Variants in KIF13B observed in about 807,000 individuals in gnomAD.
The protein encoded by KIF13B is kinesin family member 13B.
A neutral mutation model predicts 222.0 loss-of-function variants in KIF13B; 127 were observed. The ratio of observed to expected loss-of-function variants is 0.57; its 90% CI spans 0.50 to 0.66. The LOEUF (loss-of-function observed/expected upper bound fraction) is 0.66. Among genes scored for constraint, KIF13B ranks in the 30% least tolerant of loss-of-function variants. The pLI, the probability that KIF13B is intolerant of heterozygous loss-of-function variation, is 0.00. For synonymous variants in KIF13B, 976 were observed against 919.0 expected (o/e 1.06, Z -1.12); for missense variants, 2,173 against 2,379.0 (o/e 0.91, Z 1.80).
intron 32 of KIF13B, among the ~76,000 whole-genome samples, chr8:29,112,598 C>A (rs1339262864): frequency 6.6e-6 from 1 of 152,064 alleles, no homozygotes; most frequent in African/African-American, 2.4e-5. Context: ...TGTCTCACAC[C>A]CCCACTTCTC....
chr8:29,072,029 G>C lies in KIF13B; in HGVS notation c.4809C>G (p.Pro1603=). 7.7e-7 allele frequency: 1 copy of C among 1,295,828 alleles called. No individual in the cohort carries two copies. 80.3% of individuals were successfully genotyped at this position (1,295,828 alleles called of 1,614,324 possible). A position where few individuals can be genotyped will look rare whatever the true frequency, so the allele number is the denominator to read the frequency against. Reference sequence around the variant, plus strand: ...GTGGGGGGTGGCTGATGGGCGCCTCGGGCTCGGCCTCAGGGGCGGTGGGCA... The same window carrying C: ...GTGGGGGGTGGCTGATGGGCGCCTCCGGCTCGGCCTCAGGGGCGGTGGGCA... ...GSMPTAPEAE[P]EAPISHPPPP... Residue 1603 remains proline, a synonymous_variant, in exon 39 of 40, where the codon CCC becomes CCG. Coordinates refer to ENST00000524189, the MANE Select transcript of KIF13B (RefSeq NM_015254.4).
intron 35 of KIF13B, among the ~76,000 whole-genome samples, chr8:29,102,250 T>C (rs1273203933): frequency 6.6e-6 from 1 of 151,694 alleles, no homozygotes; most frequent in Non-Finnish European, 1.5e-5. Flanking sequence ...CCTGTTTTAC[T>C]TCTCCTCCAG....
At chr8:29,144,086 G>A (rs1810946494) in intron 18 of KIF13B, among the ~76,000 whole-genome samples, 1 of 150,662 alleles carries the variant, frequency 6.6e-6, no homozygotes, top group Admixed American at 6.6e-5. Context: ...ATATCTACTG[G>A]TTATCTAATC....
At chr8:29,185,284 A>C (rs900269281) in intron 6 of KIF13B, among the ~76,000 whole-genome samples, 2 of 152,148 alleles carry the variant, frequency 1.3e-5, no homozygotes, top group African/African-American at 4.8e-5. Flanking sequence ...TACACTCTGG[A>C]ATCTTCCCTT....
At chr8:29,145,978 T>TA (rs1226537518) in intron 18 of KIF13B, 4 of 328,496 alleles carry the variant, frequency 1.2e-5, no homozygotes, top group Non-Finnish European at 1.7e-5. Context: ...CAGAGCAAGC[T>TA]ATTCCAAGTA....
At chr8:29,223,331 C>CAAAAAAAA (rs369280304) in intron 2 of KIF13B, among the ~76,000 whole-genome samples, 1 of 103,666 alleles carries the variant, frequency 9.6e-6, no homozygotes, top group Non-Finnish European at 1.9e-5. Context: ...GACCCTGTCT[C>CAAAAAAAA]AAAAAAAAAA....
At chr8:29,217,545 A>T (rs1180768007) in intron 2 of KIF13B, among the ~76,000 whole-genome samples, 1 of 152,216 alleles carries the variant, frequency 6.6e-6, no homozygotes, top group African/African-American at 2.4e-5. Context: ...TAGTGTCTTT[A>T]TTATTTATTT....
At chr8:29,115,851 C>T (rs1372792526) in intron 31 of KIF13B, among the ~76,000 whole-genome samples, 1 of 152,148 alleles carries the variant, frequency 6.6e-6, no homozygotes, top group Non-Finnish European at 1.5e-5. Flanking sequence ...TCCTACTATG[C>T]CTGGCCAATG....
chr8:29,263,268 T>G (rs1587005119), upstream of KIF13B: 2 of 535,934 alleles, frequency 3.7e-6, no homozygotes, highest in Non-Finnish European at 6.5e-6. Flanking sequence ...CGGGCGCGAG[T>G]CGTTTGCTAC....
chr8:29,158,035 C>CTTT (rs1811615897), intron 13 of KIF13B, among the ~76,000 whole-genome samples: 1 of 152,148 alleles, frequency 6.6e-6, no homozygotes, highest in Non-Finnish European at 1.5e-5. Flanking sequence ...CACACTGAGC[C>CTTT]TATTTCCATC....
At chr8:29,141,065 C>T (rs972260363) in intron 19 of KIF13B, among the ~76,000 whole-genome samples, 1 of 152,070 alleles carries the variant, frequency 6.6e-6, no homozygotes, top group African/African-American at 2.4e-5. Context: ...AAAAGGTGAG[C>T]CCTCACACCT....
upstream of KIF13B, chr8:29,263,232 G>T (rs1398761561): frequency 1.3e-5 from 7 of 545,644 alleles, no homozygotes; most frequent in East Asian, 1.4e-4. Context: ...GGGCGGGGCC[G>T]CAGCGAAGGC....
intron 29 of KIF13B, among the ~76,000 whole-genome samples, chr8:29,122,366 G>A (rs1162069994): frequency 3.3e-5 from 5 of 152,182 alleles, no homozygotes; most frequent in Non-Finnish European, 7.3e-5. Flanking sequence ...TGAGCTGCAG[G>A]GATGAGAGGT....
At chr8:29,109,594 C>G in intron 33 of KIF13B, 83 bp from the exon 34 acceptor site, 1 of 1,064,550 alleles carries the variant, frequency 9.4e-7, no homozygotes, top group Non-Finnish European at 1.5e-6. Flanking sequence ...AGACTTGCAA[C>G]CCCCATCTAT....
intron 2 of KIF13B, among the ~76,000 whole-genome samples, chr8:29,206,256 CT>C (rs1351061061): frequency 6.6e-6 from 1 of 152,120 alleles, no homozygotes; most frequent in Non-Finnish European, 1.5e-5. Flanking sequence ...GAGACCTTGT[CT>C]CTATGAAAAA....
rs755022376 is a variant in KIF13B, at chr8:29,144,045, A to T, written c.2188-1742T>A. On this transcript the variant is annotated intron_variant, in intron 18 of 39. Coordinates refer to ENST00000524189, the MANE Select transcript of KIF13B (RefSeq NM_015254.4). ...TAAAAAACCACAAAGTTAAAAAAAA[A>T]AAAGCCCCTATACATTTCCCCGAGG... Among the ~76,000 whole-genome samples the T allele has an allele frequency of 4.4e-4, 66 of 151,476 alleles. 2 individuals are homozygous for T. The highest frequency in any genetic ancestry group is 1.0e-3 in the South Asian group (5 of 4,822).
In KIF13B at chr8:29,113,463, C is replaced by G. The variant is rs1455947049; in HGVS notation, c.3930G>C (p.Glu1310Asp). 1 of 1,550,648 alleles carries G rather than the reference C, an allele frequency of 6.4e-7. No individual in the cohort carries two copies. Among genetic ancestry groups the G allele is most frequent in the Non-Finnish European group, 8.8e-7 (1 of 1,136,954 alleles). ...VTFEIVSNIP[E>D]DAQGVEEREA... The stretch of plus-strand genomic sequence containing the variant: ...TAAATTTAAATTGTATATCCTTCAC[C>G]TCTGGAATATTGGAGACAATTTCAA... Residue 1310 changes from glutamate (E) to aspartate (D), a missense_variant and splice_region_variant, in exon 32 of 40, where the codon GAG (glutamate) becomes GAC (aspartate). Around this residue, in one of 2 missense-constraint regions of KIF13B, gnomAD observed 1,480 missense variants for 1,722.8 expected, o/e 0.86. Coordinates refer to ENST00000524189, the MANE Select transcript of KIF13B (RefSeq NM_015254.4).
Position 29,142,288 on chromosome 8 carries a change from TAAG to T in KIF13B, c.2200_2202del (p.Leu734del). The T allele has an allele frequency of 6.2e-7, 1 of 1,613,104 alleles. No individual in the cohort carries two copies. Among genetic ancestry groups the T allele is most frequent in the Non-Finnish European group, 8.5e-7 (1 of 1,179,450 alleles). On this transcript the variant is annotated inframe_deletion, in exon 19 of 40. Coordinates refer to ENST00000524189, the MANE Select transcript of KIF13B (RefSeq NM_015254.4). ...CTTCTCACCTGGATTGCAGGCTCAC[TAAG>T]AAGAGAGCCTCGCTGCAAAGAGAGT...
intron 37 of KIF13B, among the ~76,000 whole-genome samples, chr8:29,076,458 C>T (rs933375699): frequency 1.3e-5 from 2 of 152,248 alleles, no homozygotes; most frequent in Non-Finnish European, 2.9e-5. Flanking sequence ...TGCTTTGGCT[C>T]TTGTGCGTCT....
Sources: gnomAD v4.1 joint callset for allele counts (sites outside exome capture counted in the v4.1 genomes callset) on GRCh38, gnomAD v4.1.1 for gene constraint, gnomAD v4.1.1 regional missense constraint, MANE v1.5 for transcripts, NCBI Gene and HGNC (gene_info 2026-07-23, HGNC 2026-07-21) for gene names.